MAGI1: variants seen among roughly 807,000 people sequenced by gnomAD.
The protein encoded by MAGI1 is membrane-associated guanylate kinase, WW and PDZ domain-containing protein 1.
A neutral mutation model predicts 139.9 loss-of-function variants in MAGI1; 58 were observed. The observed-to-expected ratio is 0.41, with a 90% CI of 0.34 to 0.52. The LOEUF is 0.52. MAGI1 is among the 20% of genes least tolerant of loss of function. The probability of loss-of-function intolerance (pLI) is 0.12; values close to 1 mark genes in which losing one functional copy is unlikely to be tolerated. For synonymous variants in MAGI1, 812 were observed against 737.9 expected (o/e 1.10, Z -1.63); for missense variants, 1,874 against 1,901.6 (o/e 0.99, Z 0.27).
In MAGI1 at chr3:65,752,072, T is replaced by C. The variant is rs2036199762; in HGVS notation, c.314-129984A>G. 2.6e-5 allele frequency among the ~76,000 whole-genome samples: 4 copies of C among 152,250 alleles called. No individual in the cohort carries two copies. In the South Asian group the frequency reaches 8.3e-4, roughly 32 times the overall value. ...ATCATCCCGCCTCAGCCCCTCCAAG[T>C]AGCTGGGACTACAGGCGCAACTCAC... On this transcript the variant is annotated intron_variant, in intron 1 of 22. Coordinates refer to ENST00000402939, the MANE Select transcript of MAGI1 (RefSeq NM_001033057.2).
chr3:65,603,197 A>T lies in MAGI1; in HGVS notation c.430+18775T>A, dbSNP rs187725901. On this transcript the variant is annotated intron_variant, in intron 2 of 22. Coordinates refer to ENST00000402939, the MANE Select transcript of MAGI1 (RefSeq NM_001033057.2). ...TACCAAGCTTTCAAAGAAAAGTGTGATACCCTTTATACAACTCCAAACACA... is the reference window on the plus strand; with the variant it reads ...TACCAAGCTTTCAAAGAAAAGTGTGTTACCCTTTATACAACTCCAAACACA... Among the ~76,000 whole-genome samples the T allele has an allele frequency of 9.2e-5, 14 of 152,268 alleles. No individual in the cohort carries two copies. The East Asian group carries it at 1.5e-3, about 17-fold the overall frequency.
At chr3:65,585,554 T>G (rs919917878) in intron 2 of MAGI1, among the ~76,000 whole-genome samples, 1 of 152,182 alleles carries the variant, frequency 6.6e-6, no homozygotes, top group Non-Finnish European at 1.5e-5. Context: ...CTGTAACTCT[T>G]AGATGTTGCT....
At chr3:65,927,361 C>G (rs950759252) in intron 1 of MAGI1, among the ~76,000 whole-genome samples, 2 of 152,128 alleles carry the variant, frequency 1.3e-5, no homozygotes, top group Admixed American at 1.3e-4. Flanking sequence ...TCACAGGCAC[C>G]AAACTAACAT....
intron 3 of MAGI1, among the ~76,000 whole-genome samples, chr3:65,490,349 A>G (rs1441631920): frequency 1.3e-5 from 2 of 152,214 alleles, no homozygotes; most frequent in African/African-American, 4.8e-5. Flanking sequence ...GTGTGACAGC[A>G]GGGCTTGCAT....
rs528776535 is a variant in MAGI1 at position 65,843,901 on chromosome 3, T to C, written c.313+194095A>G. 3.4e-5 allele frequency: 7 copies of C among 208,608 alleles called. No individual in the cohort carries two copies. In the South Asian group the frequency reaches 5.1e-4, roughly 15 times the overall value. The allele number at this position is 208,608 out of a possible 1,614,324, so 12.9% of individuals were successfully genotyped here. A position where few individuals can be genotyped will look rare whatever the true frequency, so the allele number is the denominator to read the frequency against. On this transcript the variant is annotated intron_variant, in intron 1 of 22. Coordinates refer to ENST00000402939, the MANE Select transcript of MAGI1 (RefSeq NM_001033057.2). ...GGCCTGAGGTGAAAATGGTTCACCATTCTCTTGACCCAGAAACCCCCACAA... is the reference window on the plus strand; with the variant it reads ...GGCCTGAGGTGAAAATGGTTCACCACTCTCTTGACCCAGAAACCCCCACAA...
At chr3:65,577,331 T>C (rs569319091) in intron 2 of MAGI1, among the ~76,000 whole-genome samples, 198 of 152,260 alleles carry the variant, frequency 1.3e-3, no homozygotes, top group African/African-American at 4.6e-3. Flanking sequence ...CCATTATGAA[T>C]AAAACATCAG....
intron 2 of MAGI1, among the ~76,000 whole-genome samples, chr3:65,552,257 G>GCGGT (rs1553666629): frequency 0.03 from 3,476 of 116,438 alleles, 57 homozygotes; most frequent in Non-Finnish European, 0.042. Flanking sequence ...AGTGTGTATA[G>GCGGT]GGGTGTGTGT....
At chr3:65,730,025 G>C (rs2034024463) in intron 1 of MAGI1, among the ~76,000 whole-genome samples, 1 of 152,154 alleles carries the variant, frequency 6.6e-6, no homozygotes, top group South Asian at 2.1e-4. Flanking sequence ...CACATACCAA[G>C]AGTCTAATTA....
At chr3:65,731,965 T>TATA (rs1371116386) in intron 1 of MAGI1, among the ~76,000 whole-genome samples, 6 of 152,230 alleles carry the variant, frequency 3.9e-5, no homozygotes, top group Admixed American at 2.6e-4. Context: ...GTGGTTCTGA[T>TATA]ATAATACTGG....
At chr3:65,387,249 T>C in intron 14 of MAGI1, 1 of 1,584,330 alleles carries the variant, frequency 6.3e-7, no homozygotes, top group Non-Finnish European at 8.7e-7. Flanking sequence ...TTTCACAATT[T>C]TGCAAAGCTT....
chr3:65,624,935 C>T (rs2083886143), intron 1 of MAGI1, among the ~76,000 whole-genome samples: 1 of 152,120 alleles, frequency 6.6e-6, no homozygotes, highest in Non-Finnish European at 1.5e-5. Flanking sequence ...TGCAGTGGCA[C>T]AGTCTCAGCT....
chr3:65,555,735 G>A (rs1340371832), intron 2 of MAGI1, among the ~76,000 whole-genome samples: 3 of 152,138 alleles, frequency 2.0e-5, no homozygotes, highest in South Asian at 2.1e-4. Context: ...ATGCGTGCCT[G>A]TGGTCCCAGC....
intron 1 of MAGI1, among the ~76,000 whole-genome samples, chr3:65,929,682 C>T (rs980031400): frequency 6.6e-6 from 1 of 152,028 alleles, no homozygotes; most frequent in African/African-American, 2.4e-5. Flanking sequence ...ACATAAGATA[C>T]TAGATAATTC....
At chr3:65,750,491 CTAAA>C (rs1446693964) in intron 1 of MAGI1, among the ~76,000 whole-genome samples, 2 of 152,156 alleles carry the variant, frequency 1.3e-5, no homozygotes, top group Non-Finnish European at 2.9e-5. Context: ...TATAGTTACT[CTAAA>C]TAGTGATTTG....
At chr3:65,917,775 GA>G (rs1432178898) in intron 1 of MAGI1, among the ~76,000 whole-genome samples, 2 of 152,200 alleles carry the variant, frequency 1.3e-5, no homozygotes, top group East Asian at 3.9e-4. Context: ...AAAGTTAGGG[GA>G]GTGGGGAGAT....
chr3:65,762,340 A>G (rs1201268190), intron 1 of MAGI1, among the ~76,000 whole-genome samples: 1 of 152,190 alleles, frequency 6.6e-6, no homozygotes, highest in Non-Finnish European at 1.5e-5. Context: ...TAAAGGAGAT[A>G]CATGTAGCAG....
At position 65,936,713 on chromosome 3, in the gene MAGI1, T is replaced by C. The variant is rs141240200; in HGVS notation, c.313+101283A>G. 6.9e-3 allele frequency among the ~76,000 whole-genome samples: 1,050 copies of C among 152,172 alleles called. 8 individuals are homozygous for C. Among genetic ancestry groups the C allele is most frequent in the South Asian group, 0.025 (120 of 4,812 alleles). On this transcript the variant is annotated intron_variant, in intron 1 of 22. Transcript: ENST00000402939. The stretch of plus-strand genomic sequence containing the variant: ...CAAAGTACCTTACACCTTCAAAGTC[T>C]CGTGCGGGGTGTGTGTGTATCTGTG...
intron 1 of MAGI1, among the ~76,000 whole-genome samples, chr3:65,909,191 A>C (rs2061558407): frequency 6.6e-6 from 1 of 152,118 alleles, no homozygotes; most frequent in African/African-American, 2.4e-5. Flanking sequence ...ACCATCACTG[A>C]AGGGCTAGTA....
At chr3:65,371,235 T>G (rs1219452252) in intron 18 of MAGI1, among the ~76,000 whole-genome samples, 1 of 152,174 alleles carries the variant, frequency 6.6e-6, no homozygotes, top group Non-Finnish European at 1.5e-5. Flanking sequence ...AAAGCATACC[T>G]CGGAGATATC....
Sources: allele counts gnomAD v4.1 joint callset (sites outside exome capture counted in the v4.1 genomes callset), GRCh38; gene constraint gnomAD v4.1.1; transcripts MANE v1.5; gene names NCBI Gene and HGNC (gene_info 2026-07-23, HGNC 2026-07-21).